Variants in NRG1 observed in about 807,000 individuals in gnomAD.
NRG1 encodes the protein pro-neuregulin-1, membrane-bound isoform.
NRG1 carries 18 observed loss-of-function variants against 63.8 expected under a neutral mutation model. That is an observed-to-expected ratio of 0.28 (90% CI 0.19 to 0.42). The LOEUF is 0.42. NRG1 is among the 10% of genes least tolerant of loss of function. The probability of loss-of-function intolerance (pLI) is 1.00; values close to 1 mark genes in which losing one functional copy is unlikely to be tolerated. For missense variants in NRG1, 762 were observed against 814.7 expected, an observed-to-expected ratio of 0.94 and a Z score of 0.79; for synonymous variants, 302 against 301.3, an observed-to-expected ratio of 1.00 and a Z score of -0.02.
intron 1 of NRG1, among the ~76,000 whole-genome samples, chr8:32,389,328 G>C (rs2129483854): frequency 6.6e-6 from 1 of 152,314 alleles, no homozygotes; most frequent in African/African-American, 2.4e-5. Flanking sequence ...GCTATGCAAA[G>C]ATTAGATTAA....
intron 1 of NRG1, among the ~76,000 whole-genome samples, chr8:32,146,538 G>A (rs1836887588): frequency 6.6e-6 from 1 of 151,994 alleles, no homozygotes. Flanking sequence ...TCTTTATGCT[G>A]TATTTACTGT....
intron 1 of NRG1, among the ~76,000 whole-genome samples, chr8:32,585,969 G>T (rs2129533853): frequency 6.6e-6 from 1 of 152,162 alleles, no homozygotes; most frequent in South Asian, 2.1e-4. Context: ...CTATAGACAG[G>T]TTACTTTACC....
intron 1 of NRG1, among the ~76,000 whole-genome samples, chr8:32,355,772 G>C (rs1274980761): frequency 6.6e-6 from 1 of 152,052 alleles, no homozygotes; most frequent in Non-Finnish European, 1.5e-5. Context: ...TTAATCTTTT[G>C]TTTTTCCATA....
intron 1 of NRG1, among the ~76,000 whole-genome samples, chr8:31,722,241 G>A (rs554709375): frequency 4.6e-5 from 7 of 152,090 alleles, no homozygotes; most frequent in Admixed American, 2.0e-4. Context: ...ATACTACTGC[G>A]ATTTTCCATG....
At chr8:32,232,231 G>A (rs1428927481) in intron 1 of NRG1, among the ~76,000 whole-genome samples, 2 of 152,124 alleles carry the variant, frequency 1.3e-5, no homozygotes, top group African/African-American at 4.8e-5. Context: ...AAAACTTGAT[G>A]ATTCAAATCA....
intron 1 of NRG1, among the ~76,000 whole-genome samples, chr8:31,794,533 A>G (rs1051753145): frequency 2.0e-5 from 3 of 151,546 alleles, no homozygotes; most frequent in African/African-American, 7.3e-5. Context: ...ATGTTTAGGA[A>G]CTCGGTAGAC....
At chr8:31,750,552 A>T (rs182980952) in intron 1 of NRG1, among the ~76,000 whole-genome samples, 69 of 152,096 alleles carry the variant, frequency 4.5e-4, no homozygotes, top group Non-Finnish European at 8.8e-4. Flanking sequence ...TTAACAGTGG[A>T]CGTAATCAGT....
chr8:32,491,322 A>G (rs964842628), intron 1 of NRG1, among the ~76,000 whole-genome samples: 10 of 152,240 alleles, frequency 6.6e-5, no homozygotes, highest in Non-Finnish European at 1.2e-4. Context: ...CGAAGAGGAT[A>G]TATTCAAGGA....
chr8:32,144,022 C>G (rs1836586477), intron 1 of NRG1, among the ~76,000 whole-genome samples: 1 of 152,170 alleles, frequency 6.6e-6, no homozygotes, highest in Non-Finnish European at 1.5e-5. Context: ...TTGTAAGGAG[C>G]TAAAATGGGA....
intron 1 of NRG1, among the ~76,000 whole-genome samples, chr8:32,251,392 C>A (rs953275845): frequency 6.6e-6 from 1 of 151,866 alleles, no homozygotes; most frequent in Non-Finnish European, 1.5e-5. Flanking sequence ...CAAACTCAAC[C>A]TTTTTTATGG....
intron 5 of NRG1, among the ~76,000 whole-genome samples, chr8:32,653,649 AT>A (rs1362935756): frequency 6.6e-6 from 1 of 152,182 alleles, no homozygotes; most frequent in Non-Finnish European, 1.5e-5. Flanking sequence ...AGATTCTAAG[AT>A]TATTTTCAGA....
At chr8:32,020,503 G>T (rs1332463572) in intron 1 of NRG1, among the ~76,000 whole-genome samples, 2 of 151,958 alleles carry the variant, frequency 1.3e-5, no homozygotes, top group Non-Finnish European at 2.9e-5. Flanking sequence ...CTTCATTCCA[G>T]TATAATGTGG....
At chr8:31,877,038 T>G (rs1036290585) in intron 1 of NRG1, among the ~76,000 whole-genome samples, 1 of 152,104 alleles carries the variant, frequency 6.6e-6, no homozygotes, top group Non-Finnish European at 1.5e-5. Context: ...AAGACACACA[T>G]CCAAATCACA....
At chr8:31,856,779 A>C (rs901116051) in intron 1 of NRG1, among the ~76,000 whole-genome samples, 1 of 152,118 alleles carries the variant, frequency 6.6e-6, no homozygotes, top group African/African-American at 2.4e-5. Context: ...GGTGATGTAC[A>C]GATGGGTTTT....
chr8:32,059,325 C>T (rs1437024277), intron 1 of NRG1, among the ~76,000 whole-genome samples: 2 of 151,910 alleles, frequency 1.3e-5, no homozygotes, highest in Non-Finnish European at 2.9e-5. Context: ...TCTCCCTACT[C>T]CACACTGGAC....
chr8:32,541,294 G>A lies in NRG1; in HGVS notation c.38-54534G>A, dbSNP rs36213225. Among the ~76,000 whole-genome samples, 877 of 152,230 alleles carry A rather than the reference G, an allele frequency of 5.8e-3. 5 individuals carry two copies. The highest frequency in any genetic ancestry group is 8.5e-3 in the Non-Finnish European group (578 of 68,008). On this transcript the variant is annotated intron_variant, in intron 1 of 10. Coordinates refer to the NRG1 transcript ENST00000519301. Reference sequence around the variant, plus strand: ...GGGAGGATGTTTTCATAAAGATTTAGTGAGGAAGTTAGAAGGAATTATGTG... The same window carrying A: ...GGGAGGATGTTTTCATAAAGATTTAATGAGGAAGTTAGAAGGAATTATGTG...
chr8:31,954,686 G>C (rs1804074533), intron 1 of NRG1, among the ~76,000 whole-genome samples: 1 of 152,166 alleles, frequency 6.6e-6, no homozygotes, highest in Admixed American at 6.5e-5. Flanking sequence ...GTTAGGGGTA[G>C]TGAAGATTGC....
chr8:32,057,945 C>T (rs181996839), intron 1 of NRG1, among the ~76,000 whole-genome samples: 60 of 152,100 alleles, frequency 3.9e-4, no homozygotes, highest in African/African-American at 1.3e-3. Context: ...GGGTGACTGT[C>T]GTTTACAATA....
At chr8:32,077,373 C>G (rs879112548) in intron 1 of NRG1, among the ~76,000 whole-genome samples, 3 of 151,908 alleles carry the variant, frequency 2.0e-5, no homozygotes, top group East Asian at 3.9e-4. Flanking sequence ...TCCCCTCCCC[C>G]CCAAAAAATT....
Sources: gnomAD v4.1 joint callset for allele counts (sites outside exome capture counted in the v4.1 genomes callset) on GRCh38, gnomAD v4.1.1 for gene constraint, MANE v1.5 for transcripts, NCBI Gene and HGNC (gene_info 2026-07-23, HGNC 2026-07-21) for gene names.